The following PARP8 variants were observed in gnomAD, a reference collection of about 807,000 sequenced individuals.
PARP8 encodes poly(ADP-ribose) polymerase family member 8.
In PARP8, 51 loss-of-function variants were observed where a neutral mutation model predicts 124.1. That is an observed-to-expected ratio of 0.41 (90% confidence interval 0.33 to 0.52). The LOEUF is 0.52. PARP8 is among the 20% of genes least tolerant of loss of function. The pLI is 0.21. For synonymous variants in PARP8, 391 were observed against 361.5 expected (o/e 1.08, Z -0.93); for missense variants, 860 against 1,018.9 (o/e 0.84, Z 2.12).
At chr5:50,817,328 T>G (rs1745214452) in intron 15 of PARP8, among the ~76,000 whole-genome samples, 1 of 152,214 alleles carries the variant, frequency 6.6e-6, no homozygotes, top group African/African-American at 2.4e-5. Flanking sequence ...ATCAGAAAGT[T>G]TAGTAATTCT....
intron 2 of PARP8, 79 bp from the exon 3 acceptor site, chr5:50,750,072 G>A (rs1224222756): frequency 2.6e-6 from 3 of 1,142,112 alleles, no homozygotes; most frequent in Admixed American, 2.0e-5. Flanking sequence ...GGTAACATGG[G>A]TTTGGTTTGT....
chr5:50,686,485 A>G (rs1751874647), intron 2 of PARP8, among the ~76,000 whole-genome samples: 1 of 152,128 alleles, frequency 6.6e-6, no homozygotes, highest in African/African-American at 2.4e-5. Flanking sequence ...CAGTGGATCT[A>G]CCATTCTGGG....
chr5:50,838,027 C>T (rs1219759499), intron 25 of PARP8, among the ~76,000 whole-genome samples: 1 of 151,964 alleles, frequency 6.6e-6, no homozygotes, highest in Non-Finnish European at 1.5e-5. Context: ...AATTAGGAAG[C>T]TATTTTCAAA....
At chr5:50,746,341 T>G (rs1219130386) in intron 2 of PARP8, among the ~76,000 whole-genome samples, 2 of 152,188 alleles carry the variant, frequency 1.3e-5, no homozygotes, top group African/African-American at 4.8e-5. Flanking sequence ...GATCAAATAG[T>G]TCTGTATTTT....
rs1748581123 is a variant in PARP8 at position 50,845,979 on chromosome 5, TGTAGGTCAGAAGAATTTCAA to T, written c.*3916_*3935del. ...ATTATGGAATATTAGGATAAGTTTTTGTAGGTCAGAAGAATTTCAAGTAGTTTTTAGACAAAACATATCCA... is the reference window on the plus strand; with the variant it reads ...ATTATGGAATATTAGGATAAGTTTTTGTAGTTTTTAGACAAAACATATCCA... On this transcript the variant is annotated 3_prime_UTR_variant, in exon 26 of 26. Transcript: ENST00000281631. 6.6e-6 allele frequency: 1 copy of T among 151,826 alleles called. No homozygotes were observed. The highest frequency in any genetic ancestry group is 1.5e-5 in the Non-Finnish European group (1 of 67,824). 9.4% of individuals were successfully genotyped at this position (151,826 alleles called of 1,614,324 possible). A position where few individuals can be genotyped will look rare whatever the true frequency, so the allele number is the denominator to read the frequency against.
chr5:50,834,200 C>T (rs946204168), intron 24 of PARP8, 152 bp downstream of exon 24: 17 of 580,678 alleles, frequency 2.9e-5, no homozygotes, highest in East Asian at 1.6e-4. Context: ...AAACGGGTAC[C>T]GTAGAGATCA....
At chr5:50,745,153 G>T in intron 2 of PARP8, 1 of 173,050 alleles carries the variant, frequency 5.8e-6, no homozygotes, top group Non-Finnish European at 1.2e-5. Flanking sequence ...ATTTCTGTTT[G>T]CTATTTTCTA....
At chr5:50,724,915 G>A (rs1331709170) in intron 2 of PARP8, among the ~76,000 whole-genome samples, 1 of 151,812 alleles carries the variant, frequency 6.6e-6, no homozygotes, top group Admixed American at 6.6e-5. Flanking sequence ...TTGCGTACTC[G>A]TAGCTTAGCT....
At chr5:50,789,194 CT>C (rs1741658303) in intron 10 of PARP8, among the ~76,000 whole-genome samples, 1 of 151,942 alleles carries the variant, frequency 6.6e-6, no homozygotes, top group Non-Finnish European at 1.5e-5. Context: ...CTGTGTGGAC[CT>C]TGATTTTGTT....
chr5:50,688,372 A>G (rs1337376755), intron 2 of PARP8, among the ~76,000 whole-genome samples: 1 of 152,208 alleles, frequency 6.6e-6, no homozygotes, highest in East Asian at 1.9e-4. Flanking sequence ...TGCTGTTAGT[A>G]TTTCTATCAT....
intron 20 of PARP8, 48 bp from the exon 21 acceptor site, chr5:50,828,264 A>G (rs1746565014): frequency 6.5e-7 from 1 of 1,543,022 alleles, no homozygotes. Flanking sequence ...CACTTTGAAG[A>G]TAATTAATTT....
chr5:50,794,944 C>T lies in PARP8; in HGVS notation c.955C>T (p.Arg319Trp), dbSNP rs774347413. The T allele has an allele frequency of 5.0e-6, 8 of 1,614,044 alleles. No homozygotes were observed. Among genetic ancestry groups the T allele is most frequent in the African/African-American group, 4.0e-5 (3 of 74,904 alleles). The change falls in exon 12 of 26, where the codon CGG becomes TGG. Residue 319 changes from arginine (R) to tryptophan (W), a missense_variant. Transcript: ENST00000281631. ...DGISKTHKLL[R>W]RTCSSTVKTD... ...AATCTCCAAAACGCATAAGCTGCTG[C>T]GGAGGACTTGTTCCAGCACAGTCAA... is the stretch of plus-strand genomic sequence containing the variant.
At chr5:50,782,429 T>C (rs937370741) in intron 9 of PARP8, among the ~76,000 whole-genome samples, 2 of 152,206 alleles carry the variant, frequency 1.3e-5, no homozygotes, top group Admixed American at 1.3e-4. Flanking sequence ...GAGGAAAATA[T>C]GATTGAAAAT....
rs554339690 is a variant in PARP8 at position 50,751,974 on chromosome 5, A to G, written c.184+1786A>G. 7.2e-5 allele frequency among the ~76,000 whole-genome samples: 11 copies of G among 152,254 alleles called. No individual in the cohort carries two copies. In the South Asian group the frequency reaches 2.3e-3, roughly 32 times the overall value. On this transcript the variant is annotated intron_variant, in intron 3 of 25. Transcript: ENST00000281631. ...TACGTGTTTGTTCTTCCTTTCCAAC[A>G]TTTATACCTGTTCTTGTTGGCACTG...
chr5:50,783,522 G>A lies in PARP8; in HGVS notation c.670+4872G>A, dbSNP rs1740907210. Among the ~76,000 whole-genome samples, 3 of 152,104 alleles carry A rather than the reference G, an allele frequency of 2.0e-5. 1 individual carries two copies. The South Asian group carries it at 6.2e-4, about 32-fold the overall frequency. On this transcript the variant is annotated intron_variant, in intron 9 of 25. Coordinates refer to ENST00000281631, the MANE Select transcript of PARP8 (RefSeq NM_024615.4). ...CTGTTGCTAAGATAGCAACAGAATT[G>A]TTGGCCCTGTTGCTCTATGTACACT... is the stretch of plus-strand genomic sequence containing the variant.
intron 3 of PARP8, among the ~76,000 whole-genome samples, chr5:50,751,106 A>G (rs56353003): frequency 0.84 from 127,829 of 151,424 alleles, 54,344 homozygotes; most frequent in East Asian, 0.96. Context: ...CAGGACTTTA[A>G]GTCAAGGTAA....
intron 25 of PARP8, among the ~76,000 whole-genome samples, chr5:50,838,655 A>C (rs182271426): frequency 2.0e-5 from 3 of 152,230 alleles, no homozygotes; most frequent in East Asian, 1.9e-4. Flanking sequence ...TTCACTGCCC[A>C]GACAGGCTGA....
At chr5:50,746,601 A>G (rs1177225956) in intron 2 of PARP8, among the ~76,000 whole-genome samples, 2 of 152,212 alleles carry the variant, frequency 1.3e-5, no homozygotes, top group African/African-American at 2.4e-5. Flanking sequence ...TTTGTCTGTC[A>G]TATTTATGTA....
At chr5:50,736,790 G>A (rs1288275722) in intron 2 of PARP8, among the ~76,000 whole-genome samples, 1 of 151,896 alleles carries the variant, frequency 6.6e-6, no homozygotes, top group Non-Finnish European at 1.5e-5. Flanking sequence ...TTTCTCTCCT[G>A]TGATCATAAA....
Sources: allele counts gnomAD v4.1 joint callset (sites outside exome capture counted in the v4.1 genomes callset), GRCh38; gene constraint gnomAD v4.1.1; transcripts MANE v1.5; gene names NCBI Gene and HGNC (gene_info 2026-07-23, HGNC 2026-07-21).